RCC1: variants seen among roughly 807,000 people sequenced by gnomAD.
RCC1 encodes regulator of chromosome condensation.
RCC1 carries 11 observed loss-of-function variants against 44.4 expected under a neutral mutation model. The observed-to-expected ratio is 0.25, with a 90% CI of 0.16 to 0.41. RCC1 has a LOEUF of 0.41. RCC1 is among the 10% of genes least tolerant of loss of function. The probability of loss-of-function intolerance (pLI) is 1.00; values close to 1 mark genes in which losing one functional copy is unlikely to be tolerated. For synonymous variants in RCC1, 213 were observed against 216.5 expected (o/e 0.98, Z 0.14); for missense variants, 386 against 547.1 (o/e 0.71, Z 2.94).
rs1018467369 is a variant in RCC1 at position 28,536,127 on chromosome 1, C to T, written c.817+101C>T. 9.1e-6 allele frequency: 14 copies of T among 1,538,890 alleles called. No homozygotes were observed. The African/African-American group carries it at 1.8e-4, about 20-fold the overall frequency. ...GCATCCTTTGCGGGGTCGTCTAACC[C>T]CTCCAAGCCAGTTTTGTCATCTGTA... On this transcript the variant is annotated intron_variant, in intron 10 of 12. Coordinates refer to ENST00000683442, the MANE Select transcript of RCC1 (RefSeq NM_001381865.2). The surrounding 1 kb of genome is among the most constrained non-coding windows in gnomAD (Gnocchi z 4.9).
intron 3 of RCC1, among the ~76,000 whole-genome samples, chr1:28,512,057 C>T (rs1662585202): frequency 6.7e-6 from 1 of 149,768 alleles, no homozygotes. Flanking sequence ...TCACTGCTAC[C>T]TCTGCTTCCT....
At position 28,538,466 on chromosome 1, in the gene RCC1, T is replaced by A. The variant is rs1664693813; in HGVS notation, c.*459T>A. ...ACAAATGGTACAGTCATAAGAGCCA[T>A]CTGTCACGGACCCACGCCCAGAGGA... is the stretch of plus-strand genomic sequence containing the variant. On this transcript the variant is annotated 3_prime_UTR_variant, in exon 13 of 13. Transcript: ENST00000683442. The A allele has an allele frequency of 6.5e-6, 1 of 153,212 alleles. No individual in the cohort carries two copies. Among genetic ancestry groups the A allele is most frequent in the Non-Finnish European group, 1.5e-5 (1 of 68,766 alleles). 9.5% of individuals were successfully genotyped at this position (153,212 alleles called of 1,614,324 possible).
At chr1:28,532,667 T>C in intron 7 of RCC1, 1 of 499,740 alleles carries the variant, frequency 2.0e-6, no homozygotes, top group Non-Finnish European at 3.9e-6. Context: ...CCCCCTCACC[T>C]TGCCAGCACT....
At position 28,535,100 on chromosome 1, in the gene RCC1, G is replaced by T; in HGVS notation, c.492G>T (p.Val164=). Residue 164 remains valine (V), a synonymous_variant, in exon 8 of 13, where the codon GTG becomes GTT. Coordinates refer to ENST00000683442, the MANE Select transcript of RCC1 (RefSeq NM_001381865.2). ...GLLEPMKKSM[V]PVQVQLDVPV... is the part of the protein sequence containing the mutation. ...TGGAGCCCATGAAGAAGAGCATGGT[G>T]CCTGTGCAGGTGCAGCTGGATGTGC... is the stretch of plus-strand genomic sequence containing the variant. 1 of 1,614,196 alleles carries T rather than the reference G, an allele frequency of 6.2e-7. No homozygotes were observed. The highest frequency in any genetic ancestry group is 1.1e-5 in the South Asian group (1 of 91,080).
chr1:28,531,906 G>A lies in RCC1; in HGVS notation c.177G>A (p.Lys59=). Residue 59 remains lysine, a synonymous_variant, in exon 6 of 13, where the codon AAG becomes AAA. Coordinates refer to ENST00000683442, the MANE Select transcript of RCC1 (RefSeq NM_001381865.2). ...GTGAGAATGTGATGGAGAGGAAGAAGCCGGCCCTGGTATCCATTCCGGAGG... is the reference window on the plus strand; with the variant it reads ...GTGAGAATGTGATGGAGAGGAAGAAACCGGCCCTGGTATCCATTCCGGAGG... The part of the protein sequence containing the change: ...GLGENVMERK[K]PALVSIPEDV... 1.2e-6 allele frequency: 2 copies of A among 1,609,948 alleles called. No homozygotes were observed. The highest frequency in any genetic ancestry group is 1.7e-6 in the Non-Finnish European group (2 of 1,177,932).
chr1:28,516,454 A>C (rs1662900726), intron 3 of RCC1, among the ~76,000 whole-genome samples: 1 of 151,166 alleles, frequency 6.6e-6, no homozygotes. Context: ...GTGAGCCGAG[A>C]TCGCACCACT....
chr1:28,510,202 TG>T (rs1350717651), intron 3 of RCC1: 1 of 152,312 alleles, frequency 6.6e-6, no homozygotes, highest in Non-Finnish European at 1.5e-5. Flanking sequence ...GATTGGAGTT[TG>T]GTGGACTGTA....
At position 28,506,067 on chromosome 1, in the gene RCC1, G is replaced by T. The variant is rs1449517162; in HGVS notation, c.-279G>T. 5 of 456,018 alleles carry T rather than the reference G, an allele frequency of 1.1e-5. No individual in the cohort carries two copies. Among genetic ancestry groups the T allele is most frequent in the Non-Finnish European group, 1.8e-5 (4 of 226,780 alleles). The allele number at this position is 456,018 out of a possible 1,614,324, so 28.2% of individuals were successfully genotyped here. ...TCCTTTTTGGAGACAGATTCGCAGT[G>T]GTCGCTTCTTCTCCTTGGTAAGTGT... On this transcript the variant is annotated 5_prime_UTR_variant, in exon 1 of 13. Transcript: ENST00000683442.
intron 3 of RCC1, among the ~76,000 whole-genome samples, chr1:28,511,648 C>T (rs1325339324): frequency 2.6e-5 from 4 of 151,454 alleles, no homozygotes; most frequent in Non-Finnish European, 4.4e-5. Flanking sequence ...GGTTTACAGG[C>T]GTCAGCCACC....
At chr1:28,515,476 G>C (rs1172772103) in intron 3 of RCC1, among the ~76,000 whole-genome samples, 2 of 151,418 alleles carry the variant, frequency 1.3e-5, no homozygotes, top group Non-Finnish European at 2.9e-5. Flanking sequence ...CAGCACTTTG[G>C]GAGGCCGAGA....
At chr1:28,534,931 A>G in intron 7 of RCC1, 119 bp from the exon 8 acceptor site, 1 of 754,624 alleles carries the variant, frequency 1.3e-6, no homozygotes, top group South Asian at 1.5e-5. Flanking sequence ...TAAGTATTTG[A>G]GTATGTGGCC....
chr1:28,530,683 G>A lies in RCC1; in HGVS notation c.73+744G>A, dbSNP rs1057404870. 9 of 1,366,176 alleles carry A rather than the reference G, an allele frequency of 6.6e-6. No homozygotes were observed. The African/African-American group carries it at 1.2e-4, about 18-fold the overall frequency. 84.6% of individuals were successfully genotyped at this position (1,366,176 alleles called of 1,614,324 possible). ...CTCCTCAGCGGTGGCCACATCCTCG[G>A]GGGAGGGGCTGGGCGCCATTGGCTG... On this transcript the variant is annotated intron_variant, in intron 5 of 12. Coordinates refer to ENST00000683442, the MANE Select transcript of RCC1 (RefSeq NM_001381865.2).
At chr1:28,521,645 C>T (rs1009643268) in intron 4 of RCC1, among the ~76,000 whole-genome samples, 3 of 152,160 alleles carry the variant, frequency 2.0e-5, no homozygotes, top group Non-Finnish European at 2.9e-5. Context: ...CCGTCTCCAC[C>T]GCAGCAGGGA....
chr1:28,506,305 C>T, intron 1 of RCC1: 1 of 433,128 alleles, frequency 2.3e-6, no homozygotes, highest in South Asian at 1.6e-5. Context: ...GTGCCTCAGC[C>T]TCTCCAGCAG....
chr1:28,535,144 CAGGT>C lies in RCC1; in HGVS notation c.537_538+2del. 1.2e-6 allele frequency: 2 copies of C among 1,614,150 alleles called. No homozygotes were observed. The highest frequency in any genetic ancestry group is 1.7e-6 in the Non-Finnish European group (2 of 1,179,976). On this transcript the variant is annotated splice_donor_variant and coding_sequence_variant, in exon 8 of 13. Coordinates refer to ENST00000683442, the MANE Select transcript of RCC1 (RefSeq NM_001381865.2). LOFTEE classifies it high-confidence loss of function. ...GATGTGCCTGTGGTAAAGGTGGCCT[CAGGT>C]GGGTCTGGGGGCACTTGCTCAGGGC...
chr1:28,536,928 G>C lies in RCC1; in HGVS notation c.1090+29G>C, dbSNP rs1664592266. ...AGTGGGGCTGCCTACACTCTGTCTA[G>C]TTGGGACCTGGGGGTCATGGTTCTT... On this transcript the variant is annotated intron_variant, in intron 12 of 12. Coordinates refer to ENST00000683442, the MANE Select transcript of RCC1 (RefSeq NM_001381865.2). This position sits in a 1 kb window ranked among gnomAD's most constrained non-coding sequence, Gnocchi z 4.9. 1.9e-6 allele frequency: 3 copies of C among 1,612,754 alleles called. No individual in the cohort carries two copies. The highest frequency in any genetic ancestry group is 1.3e-5 in the African/African-American group (1 of 74,832).
intron 1 of RCC1, chr1:28,506,377 G>A (rs1661930516): frequency 5.4e-6 from 2 of 372,530 alleles, no homozygotes; most frequent in African/African-American, 2.2e-5. Context: ...TGGAGACGGG[G>A]TTTCGCTATG....
At chr1:28,526,363 G>T (rs1317456618) in intron 4 of RCC1, 1 of 388,322 alleles carries the variant, frequency 2.6e-6, no homozygotes, top group Non-Finnish European at 5.0e-6. Context: ...AGACCTCTTA[G>T]TGCAAGACCA....
At chr1:28,512,956 T>A (rs539559262) in intron 3 of RCC1, among the ~76,000 whole-genome samples, 9 of 152,068 alleles carry the variant, frequency 5.9e-5, no homozygotes, top group African/African-American at 1.9e-4. Flanking sequence ...CACCATGCCC[T>A]GCTAATTTTT....
Sources: gnomAD v4.1 joint callset for allele counts (sites outside exome capture counted in the v4.1 genomes callset) on GRCh38, gnomAD v4.1.1 for gene constraint, Gnocchi (gnomAD v3.1) non-coding constraint, MANE v1.5 for transcripts, NCBI Gene and HGNC (gene_info 2026-07-23, HGNC 2026-07-21) for gene names.